BDKRB2: variants seen among roughly 807,000 people sequenced by gnomAD.
BDKRB2 encodes the protein bradykinin receptor B2.
In BDKRB2, 6 loss-of-function variants were observed where a neutral mutation model predicts 4.0. That is an observed-to-expected ratio of 1.49 (90% CI 0.81 to 2.93). BDKRB2 has a LOEUF of 2.93. BDKRB2 is among the 30% of genes most tolerant of loss of function. The pLI is 0.00. For missense variants in BDKRB2, 478 were observed against 520.1 expected (o/e 0.92, Z 0.79); for synonymous variants, 225 against 215.3 (o/e 1.05, Z -0.40).
At position 96,238,631 on chromosome 14, in the gene BDKRB2, T is replaced by C. The variant is rs971011741; in HGVS notation, c.74+1450T>C. 1.8e-5 allele frequency: 18 copies of C among 979,472 alleles called. No homozygotes were observed. The African/African-American group carries it at 3.0e-4, about 16-fold the overall frequency. 60.7% of individuals were successfully genotyped at this position (979,472 alleles called of 1,614,324 possible). On this transcript the variant is annotated intron_variant, in intron 2 of 2. Coordinates refer to ENST00000554311, the MANE Select transcript of BDKRB2 (RefSeq NM_001379692.1). ...CACCTCTCCTGTCCAACATCTAGTG[T>C]CACTTTCCAGAACATACCAACAGCT...
intron 1 of BDKRB2, 64 bp from the exon 2 acceptor site, chr14:96,237,005 G>T: frequency 1.1e-6 from 1 of 949,348 alleles, no homozygotes; most frequent in Non-Finnish European, 1.7e-6. Context: ...CCCTGCTGGA[G>T]AATGCGTGTA....
At chr14:96,230,357 T>C (rs1052427480) in intron 1 of BDKRB2, among the ~76,000 whole-genome samples, 1 of 152,210 alleles carries the variant, frequency 6.6e-6, no homozygotes, top group African/African-American at 2.4e-5. Context: ...CTGGGAGATT[T>C]TCCCATTAGT....
At chr14:96,209,751 C>T (rs112487738) in intron 1 of BDKRB2, among the ~76,000 whole-genome samples, 9,513 of 152,182 alleles carry the variant, frequency 0.063, 401 homozygotes, top group East Asian at 0.1. Flanking sequence ...ATCCCAGCAG[C>T]TTGGGAGGCC....
rs5225 is a variant in BDKRB2 at position 96,241,886 on chromosome 14, T to C, written c.*382T>C. 14,244 of 178,836 alleles carry C rather than the reference T, an allele frequency of 0.08. 707 individuals carry two copies. Among genetic ancestry groups the C allele is most frequent in the Non-Finnish European group, 0.11 (9,124 of 85,304 alleles). 11.1% of individuals were successfully genotyped at this position (178,836 alleles called of 1,614,324 possible). ...AGACAACTTAGATCTCCAGGAGAAC[T>C]GCCATCCAGCTTTGGTGCAATGGCT... On this transcript the variant is annotated 3_prime_UTR_variant, in exon 3 of 3. Coordinates refer to ENST00000554311, the MANE Select transcript of BDKRB2 (RefSeq NM_001379692.1).
chr14:96,224,789 G>A (rs533916481), intron 1 of BDKRB2, among the ~76,000 whole-genome samples: 3 of 152,292 alleles, frequency 2.0e-5, no homozygotes, highest in Non-Finnish European at 2.9e-5. Context: ...TAGAAAAGGC[G>A]TAACATTGGC....
chr14:96,230,070 C>T (rs1459689637), intron 1 of BDKRB2, among the ~76,000 whole-genome samples: 1 of 151,588 alleles, frequency 6.6e-6, no homozygotes, highest in African/African-American at 2.4e-5. Flanking sequence ...GGAGGCAGAG[C>T]TTGCAGTGAG....
chr14:96,220,014 C>A (rs564196231), intron 1 of BDKRB2, among the ~76,000 whole-genome samples: 2 of 151,830 alleles, frequency 1.3e-5, no homozygotes, highest in African/African-American at 2.4e-5. Flanking sequence ...CTGGTCACTG[C>A]GAGAGTATTT....
intron 1 of BDKRB2, among the ~76,000 whole-genome samples, chr14:96,224,463 CA>C (rs1890650122): frequency 6.6e-6 from 1 of 152,092 alleles, no homozygotes; most frequent in African/African-American, 2.4e-5. Flanking sequence ...AATATGGAAA[CA>C]ATATAAATGA....
rs770497327 is a variant in BDKRB2 at position 96,237,079 on chromosome 14, G to T, written c.-29G>T. On this transcript the variant is annotated 5_prime_UTR_variant, in exon 2 of 3. Transcript: ENST00000554311. ...TTCTTCTCTGTTCAGCCCAGGTGTG[G>T]CCTCACTCACATCCCACTCTGAGTC... is the stretch of plus-strand genomic sequence containing the variant. The T allele has an allele frequency of 7.6e-6, 12 of 1,584,342 alleles. No individual in the cohort carries two copies. Among genetic ancestry groups the T allele is most frequent in the Non-Finnish European group, 1.0e-5 (12 of 1,152,868 alleles).
At chr14:96,219,714 C>T (rs1231229552) in intron 1 of BDKRB2, among the ~76,000 whole-genome samples, 3 of 152,172 alleles carry the variant, frequency 2.0e-5, no homozygotes, top group East Asian at 1.9e-4. Flanking sequence ...AGGCCCAGTG[C>T]TAAGAGGTGG....
intron 1 of BDKRB2, among the ~76,000 whole-genome samples, chr14:96,228,667 A>G (rs929225647): frequency 1.3e-5 from 2 of 152,162 alleles, no homozygotes; most frequent in Admixed American, 6.5e-5. Flanking sequence ...TGGTTTTGGC[A>G]AAAGCAACAC....
chr14:96,229,934 C>T (rs899241943), intron 1 of BDKRB2, among the ~76,000 whole-genome samples: 2 of 152,060 alleles, frequency 1.3e-5, no homozygotes, highest in East Asian at 3.9e-4. Context: ...CAAGACCATC[C>T]TGGCTAACAC....
intron 1 of BDKRB2, among the ~76,000 whole-genome samples, chr14:96,226,340 A>G (rs943940648): frequency 1.3e-5 from 2 of 152,216 alleles, no homozygotes; most frequent in African/African-American, 4.8e-5. Flanking sequence ...GCAATGGAGC[A>G]CTGTAGGACG....
intron 1 of BDKRB2, among the ~76,000 whole-genome samples, chr14:96,221,146 G>A (rs1236983861): frequency 6.6e-6 from 1 of 152,124 alleles, no homozygotes; most frequent in Non-Finnish European, 1.5e-5. Context: ...AATTGGGATA[G>A]TACCAGTGCC....
Position 96,218,378 on chromosome 14 carries a change from A to G in BDKRB2, c.-40+13419A>G, listed in dbSNP as rs567105522. Among the ~76,000 whole-genome samples the G allele has an allele frequency of 7.2e-5, 11 of 152,228 alleles. No individual in the cohort carries two copies. In the South Asian group the frequency reaches 2.3e-3, roughly 32 times the overall value. On this transcript the variant is annotated intron_variant, in intron 1 of 2. Coordinates refer to ENST00000554311, the MANE Select transcript of BDKRB2 (RefSeq NM_001379692.1). ...GAGACCCCTAAGTGCTAATTCTACC[A>G]CATCCCCATCCACTTCATAGTGGGA...
intron 1 of BDKRB2, among the ~76,000 whole-genome samples, chr14:96,224,839 A>G (rs1890657130): frequency 6.6e-6 from 1 of 152,202 alleles, no homozygotes; most frequent in Non-Finnish European, 1.5e-5. Flanking sequence ...TGACTCCCTC[A>G]ATTCCAAGGG....
At chr14:96,225,093 C>A (rs1890663106) in intron 1 of BDKRB2, among the ~76,000 whole-genome samples, 2 of 152,204 alleles carry the variant, frequency 1.3e-5, no homozygotes, top group South Asian at 4.1e-4. Context: ...GGGTGAGGAG[C>A]TGAACCTCTG....
intron 1 of BDKRB2, among the ~76,000 whole-genome samples, chr14:96,215,524 C>T (rs1262928431): frequency 6.6e-6 from 1 of 151,756 alleles, no homozygotes; most frequent in Non-Finnish European, 1.5e-5. Flanking sequence ...CTGAATTATC[C>T]AAATATTAAA....
chr14:96,237,495 A>T (rs1890963947), intron 2 of BDKRB2, among the ~76,000 whole-genome samples: 1 of 152,216 alleles, frequency 6.6e-6, no homozygotes, highest in Admixed American at 6.5e-5. Flanking sequence ...TACCCAGTGG[A>T]TCAGACAGCA....
Sources: gnomAD v4.1 joint callset for allele counts (sites outside exome capture counted in the v4.1 genomes callset) on GRCh38, gnomAD v4.1.1 for gene constraint, MANE v1.5 for transcripts, NCBI Gene and HGNC (gene_info 2026-07-23, HGNC 2026-07-21) for gene names.